CTU2: variants seen among roughly 807,000 people sequenced by gnomAD.
CTU2 encodes the protein cytoplasmic tRNA 2-thiolation protein 2.
A neutral mutation model predicts 64.1 loss-of-function variants in CTU2; 80 were observed. The ratio of observed to expected loss-of-function variants is 1.25; its 90% confidence interval spans 1.04 to 1.50. The LOEUF (loss-of-function observed/expected upper bound fraction) is 1.50. Among genes scored for constraint, CTU2 ranks in the 40% most tolerant of loss-of-function variants. CTU2 has a pLI of 0.00. For missense variants in CTU2, 1,110 were observed against 690.2 expected, an observed-to-expected ratio of 1.61 and a Z score of -6.81; for synonymous variants, 482 against 285.3, an observed-to-expected ratio of 1.69 and a Z score of -6.95.
chr16:88,707,690 G>C (rs1910988232), intron 2 of CTU2, among the ~76,000 whole-genome samples: 1 of 152,180 alleles, frequency 6.6e-6, no homozygotes, highest in Non-Finnish European at 1.5e-5. Context: ...TTGGCTTGTA[G>C]CCATTGTATT....
In CTU2 at chr16:88,712,834, T is replaced by A. The variant is rs1454892515; in HGVS notation, c.666T>A (p.Thr222=). 3 of 1,590,148 alleles carry A rather than the reference T, an allele frequency of 1.9e-6. No homozygotes were observed. Among genetic ancestry groups the A allele is most frequent in the Non-Finnish European group, 2.6e-6 (3 of 1,169,412 alleles). ...CAAGACCGCCTGCCCCTGCCCAGAC[T>A]GAGGCTCTTTCCCAACTGTTCTGCT... ...NLARPPAPAQ[T]EALSQLFCSV... is the part of the protein sequence containing the mutation. Residue 222 remains threonine (T), a synonymous_variant, in exon 7 of 15, where the codon ACT becomes ACA. Transcript: ENST00000453996.
intron 7 of CTU2, 29 bp from the exon 8 acceptor site, chr16:88,713,283 C>A: frequency 1.3e-6 from 2 of 1,560,114 alleles, no homozygotes; most frequent in East Asian, 2.5e-5. Flanking sequence ...CCTGCACCCC[C>A]CAGGCCCCTG....
At chr16:88,711,607 G>C (rs769007533) in intron 4 of CTU2, 28 bp from the exon 5 acceptor site, 1 of 1,577,902 alleles carries the variant, frequency 6.3e-7, no homozygotes, top group African/African-American at 1.4e-5. Flanking sequence ...ATGGCTGGGG[G>C]CTGAGTCCCT....
At position 88,713,785 on chromosome 16, in the gene CTU2, C is replaced by G; in HGVS notation, c.1005+7C>G. The G allele has an allele frequency of 6.2e-7, 1 of 1,612,372 alleles. No homozygotes were observed. Among genetic ancestry groups the G allele is most frequent in the Non-Finnish European group, 8.5e-7 (1 of 1,179,638 alleles). ...ACCAGCCGTCGACACCAAGGTGGGC[C>G]TTGTGGGCTGGGCAACCTCTCTCAC... On this transcript the variant is annotated splice_region_variant and intron_variant, in intron 9 of 14. Coordinates refer to ENST00000453996, the MANE Select transcript of CTU2 (RefSeq NM_001012759.3).
rs368296334 is a variant in CTU2 at position 88,712,796 on chromosome 16, C to A, written c.628C>A (p.Pro210Thr). The A allele has an allele frequency of 2.5e-6, 4 of 1,607,904 alleles. No homozygotes were observed. The highest frequency in any genetic ancestry group is 3.4e-6 in the Non-Finnish European group (4 of 1,177,840). Residue 210 changes from proline to threonine, a missense_variant, in exon 7 of 15, where the codon CCC (proline) becomes ACC (threonine). Physicochemically the swap from Pro to Thr is conservative, Grantham distance 38. Transcript: ENST00000453996. Reference sequence around the variant, plus strand: ...ACAGCCACCCCAGCCCCCGCTGGACCCCCAGAACCTGGCAAGACCGCCTGC... The same window carrying A: ...ACAGCCACCCCAGCCCCCGCTGGACACCCAGAACCTGGCAAGACCGCCTGC... ...EEQPPQPPLD[P>T]QNLARPPAPA... is the part of the protein sequence containing the mutation.
chr16:88,712,751 G>C lies in CTU2; in HGVS notation c.583G>C (p.Gly195Arg), dbSNP rs1173784045. ...TGTGCTGGGGGCCGGGGGTGGTCCT[G>C]GCCCGACTCAAGGGGAGGAACAGCC... ...QHVLGAGGGP[G>R]PTQGEEQPPQ... Residue 195 changes from glycine (G) to arginine (R), a missense_variant, in exon 7 of 15, where the codon GGC becomes CGC. Gly to Arg is a moderately radical substitution (Grantham distance 125). Transcript: ENST00000453996. The C allele has an allele frequency of 6.2e-7, 1 of 1,608,798 alleles. No individual in the cohort carries two copies. The highest frequency in any genetic ancestry group is 1.1e-5 in the South Asian group (1 of 90,764).
At chr16:88,713,490 C>A in intron 8 of CTU2, 43 bp downstream of exon 8, 1 of 1,555,922 alleles carries the variant, frequency 6.4e-7, no homozygotes, top group Non-Finnish European at 8.7e-7. Context: ...TCCTCACCTT[C>A]ACCCCTTCGG....
intron 5 of CTU2, 41 bp downstream of exon 5, chr16:88,711,736 G>T: frequency 6.4e-7 from 1 of 1,573,702 alleles, no homozygotes; most frequent in Non-Finnish European, 8.7e-7. Context: ...TGGCCACTTG[G>T]GGTAAGCCCT....
In CTU2 at chr16:88,712,926, C is replaced by T. The variant is rs752534986; in HGVS notation, c.737+21C>T. On this transcript the variant is annotated intron_variant, in intron 7 of 14. Coordinates refer to ENST00000453996, the MANE Select transcript of CTU2 (RefSeq NM_001012759.3). ...CTGCGGTGAGGCCCCGAGAGCCCCC[C>T]TTCCCCGGGCCCTGACCCCCACTCA... The T allele has an allele frequency of 1.8e-4, 219 of 1,197,764 alleles. 2 individuals are homozygous for T. Among genetic ancestry groups the T allele is most frequent in the African/African-American group, 3.1e-4 (16 of 51,448 alleles). The allele number at this position is 1,197,764 out of a possible 1,614,324, so 74.2% of individuals were successfully genotyped here.
chr16:88,714,642 A>C lies in CTU2; in HGVS notation c.1257A>C (p.Ser419=), dbSNP rs1317116905. 1 of 1,612,150 alleles carries C rather than the reference A, an allele frequency of 6.2e-7. No individual in the cohort carries two copies. Among genetic ancestry groups the C allele is most frequent in the East Asian group, 2.2e-5 (1 of 44,850 alleles). ...CCTCGCGTCTCTCCCAGATGCAGTC[A>C]CCCATCCCCCTGACTGAGACCCGGA... ...QTSSRLSQMQ[S]PIPLTETRTP... is the part of the protein sequence containing the mutation. The change falls in exon 12 of 15, where the codon TCA becomes TCC. Residue 419 remains serine, a synonymous_variant. Transcript: ENST00000453996.
chr16:88,707,738 G>T (rs1910994537), intron 2 of CTU2, among the ~76,000 whole-genome samples: 1 of 152,116 alleles, frequency 6.6e-6, no homozygotes, highest in African/African-American at 2.4e-5. Context: ...CTCCCTGAAG[G>T]GAGGACCAGG....
chr16:88,715,037 C>A lies in CTU2; in HGVS notation c.1420-11C>A. 2 of 1,577,356 alleles carry A rather than the reference C, an allele frequency of 1.3e-6. No homozygotes were observed. Among genetic ancestry groups the A allele is most frequent in the Non-Finnish European group, 1.7e-6 (2 of 1,160,376 alleles). The stretch of plus-strand genomic sequence containing the variant: ...GGTTTCTTGGCCCCTCGACACCGGC[C>A]TCTGTTGCAGCCCTCACTGGACCCC... On this transcript the variant is annotated splice_polypyrimidine_tract_variant and intron_variant, in intron 13 of 14. Coordinates refer to ENST00000453996, the MANE Select transcript of CTU2 (RefSeq NM_001012759.3).
Position 88,713,424 on chromosome 16 carries a change from G to C in CTU2, c.850G>C (p.Gly284Arg), listed in dbSNP as rs1421999848. ...KLMTNLALGR[G>R]AFLAWDTGFS... is the part of the protein sequence containing the mutation. ...CATGACCAACCTGGCGCTGGGTCGA[G>C]GGGCCTTCCTGGCCTGGGATACGGT... Residue 284 changes from glycine (G) to arginine (R), a missense_variant, in exon 8 of 15, where the codon GGG (glycine) becomes CGG (arginine). Coordinates refer to ENST00000453996, the MANE Select transcript of CTU2 (RefSeq NM_001012759.3). 1.3e-6 allele frequency: 2 copies of C among 1,589,874 alleles called. No homozygotes were observed. The highest frequency in any genetic ancestry group is 1.4e-5 in the African/African-American group (1 of 73,508).
In CTU2 at chr16:88,714,862, A is replaced by G. The variant is rs1037321712; in HGVS notation, c.1355A>G (p.Glu452Gly). The part of the protein sequence containing the change: ...QRCGQGACRR[E>G]DPQACIEEQL... ...CACAGCCAGCTCTGCTCCCGCAGGGAGGACCCCCAAGCCTGCATTGAGGAG... is the reference window on the plus strand; with the variant it reads ...CACAGCCAGCTCTGCTCCCGCAGGGGGGACCCCCAAGCCTGCATTGAGGAG... Residue 452 changes from glutamate to glycine, a missense_variant and splice_region_variant, in exon 13 of 15, where the codon GAG becomes GGG. Coordinates refer to ENST00000453996, the MANE Select transcript of CTU2 (RefSeq NM_001012759.3). 3 of 1,612,496 alleles carry G rather than the reference A, an allele frequency of 1.9e-6. No individual in the cohort carries two copies. The African/African-American group carries it at 4.0e-5, about 22-fold the overall frequency.
At position 88,714,837 on chromosome 16, in the gene CTU2, C is replaced by T. The variant is rs1476420480; in HGVS notation, c.1353-23C>T. 10 of 1,612,292 alleles carry T rather than the reference C, an allele frequency of 6.2e-6. No homozygotes were observed. The Admixed American group carries it at 1.2e-4, about 19-fold the overall frequency. ...CGGCATTGAGGTGCCAAGGTGGGCA[C>T]ACAGCCAGCTCTGCTCCCGCAGGGA... On this transcript the variant is annotated intron_variant, in intron 12 of 14. Coordinates refer to ENST00000453996, the MANE Select transcript of CTU2 (RefSeq NM_001012759.3).
At position 88,714,374 on chromosome 16, in the gene CTU2, C is replaced by T. The variant is rs200518996; in HGVS notation, c.1098-9C>T. ...TGATTCACCTGCTCCTCCCACAATC[C>T]GGCCACAGGACAAGTGAGAAGCTGG... is the stretch of plus-strand genomic sequence containing the variant. On this transcript the variant is annotated splice_polypyrimidine_tract_variant and intron_variant, in intron 10 of 14. Transcript: ENST00000453996. 176 of 1,612,200 alleles carry T rather than the reference C, an allele frequency of 1.1e-4. 1 individual carries two copies. Among genetic ancestry groups the T allele is most frequent in the African/African-American group, 7.1e-4 (53 of 75,042 alleles).
chr16:88,712,263 G>A lies in CTU2; in HGVS notation c.344-11G>A. 6.3e-7 allele frequency: 1 copy of A among 1,587,012 alleles called. No homozygotes were observed. The highest frequency in any genetic ancestry group is 1.8e-5 in the Admixed American group (1 of 56,396). ...CTCTGAGCCCTGACTCTTTCTGCCT[G>A]GGTTTTTCAGAGGGAGCAGCCTGTG... On this transcript the variant is annotated splice_polypyrimidine_tract_variant and intron_variant, in intron 5 of 14. Transcript: ENST00000453996.
intron 8 of CTU2, 86 bp downstream of exon 8, chr16:88,713,533 C>G (rs1567650748): frequency 6.9e-7 from 1 of 1,445,946 alleles, no homozygotes. Flanking sequence ...TCTCGCGTAT[C>G]AGTCCTGCGG....
chr16:88,712,680 A>G lies in CTU2; in HGVS notation c.512A>G (p.Glu171Gly). 3 of 1,610,468 alleles carry G rather than the reference A, an allele frequency of 1.9e-6. No homozygotes were observed. Among genetic ancestry groups the G allele is most frequent in the Non-Finnish European group, 2.5e-6 (3 of 1,179,506 alleles). Residue 171 changes from glutamate to glycine, a missense_variant, in exon 7 of 15, where the codon GAG becomes GGG. By Grantham distance (98) the Glu-to-Gly change is moderately conservative. Transcript: ENST00000453996. ...TCTGCCCAGGAGCTGGTGGGATCCG[A>G]GGGGGCCTACAAGGCGGCCGTGGAC... is the stretch of plus-strand genomic sequence containing the variant. ...WCSAQELVGSEGAYKAAVDSF... is the reference protein window; with the variant it reads ...WCSAQELVGSGGAYKAAVDSF...
Sources: allele counts gnomAD v4.1 joint callset (sites outside exome capture counted in the v4.1 genomes callset), GRCh38; gene constraint gnomAD v4.1.1; transcripts MANE v1.5; gene names NCBI Gene and HGNC (gene_info 2026-07-23, HGNC 2026-07-21).